The following GALNTL6 variants were observed in gnomAD, a reference collection of about 807,000 sequenced individuals.
GALNTL6 encodes the protein polypeptide N-acetylgalactosaminyltransferase-like 6.
In GALNTL6, 46 loss-of-function variants were observed where a neutral mutation model predicts 73.7. That is an observed-to-expected ratio of 0.62 (90% CI 0.49 to 0.80). The LOEUF is 0.80. GALNTL6 is among the 30% of genes least tolerant of loss of function. The pLI, the probability that GALNTL6 is intolerant of heterozygous loss-of-function variation, is 0.00. For synonymous variants in GALNTL6, 259 were observed against 263.7 expected (o/e 0.98, Z 0.17); for missense variants, 604 against 755.0 (o/e 0.80, Z 2.34).
chr4:172,052,272 CAG>C (rs3081409), intron 2 of GALNTL6, among the ~76,000 whole-genome samples: 120,066 of 152,078 alleles, frequency 0.79, 47,970 homozygotes, highest in Non-Finnish European at 0.85. Context: ...AGCCTCAAGG[CAG>C]AGAGGATACA....
intron 5 of GALNTL6, among the ~76,000 whole-genome samples, chr4:172,562,666 C>T (rs1455835261): frequency 6.6e-6 from 1 of 152,250 alleles, no homozygotes; most frequent in African/African-American, 2.4e-5. Flanking sequence ...GCCTACAAGT[C>T]ATTCCTGCTG....
At chr4:171,883,966 A>G (rs1736538183) in intron 2 of GALNTL6, among the ~76,000 whole-genome samples, 1 of 152,100 alleles carries the variant, frequency 6.6e-6, no homozygotes, top group Non-Finnish European at 1.5e-5. Context: ...CTTTTCTTAG[A>G]AGTCATCAAT....
At chr4:172,444,549 C>A (rs951639657) in intron 5 of GALNTL6, among the ~76,000 whole-genome samples, 1 of 151,928 alleles carries the variant, frequency 6.6e-6, no homozygotes. Context: ...TGCCTCAGAC[C>A]TTGTTATTTC....
chr4:172,609,916 A>G (rs1416181469), intron 5 of GALNTL6, among the ~76,000 whole-genome samples: 2 of 151,600 alleles, frequency 1.3e-5, no homozygotes, highest in Non-Finnish European at 2.9e-5. Context: ...TCCTGGCTCA[A>G]TCTTGGGAGG....
intron 2 of GALNTL6, among the ~76,000 whole-genome samples, chr4:172,002,575 T>C (rs557504455): frequency 6.6e-6 from 1 of 152,294 alleles, no homozygotes; most frequent in Non-Finnish European, 1.5e-5. Context: ...ATTTGAGTTC[T>C]ACTAAGTATT....
chr4:172,329,654 C>CT (rs1741059210), intron 4 of GALNTL6, among the ~76,000 whole-genome samples: 1 of 152,188 alleles, frequency 6.6e-6, no homozygotes, highest in East Asian at 1.9e-4. Context: ...GGCCACTTCT[C>CT]TGTAGAGCTG....
At chr4:172,053,089 A>T (rs1355143856) in intron 2 of GALNTL6, among the ~76,000 whole-genome samples, 1 of 152,154 alleles carries the variant, frequency 6.6e-6, no homozygotes, top group Non-Finnish European at 1.5e-5. Flanking sequence ...ATACAAATAA[A>T]TACAACTAAG....
intron 5 of GALNTL6, among the ~76,000 whole-genome samples, chr4:172,533,152 C>T (rs2110851974): frequency 6.6e-6 from 1 of 151,548 alleles, no homozygotes; most frequent in Admixed American, 6.6e-5. Flanking sequence ...GCAGGGATTA[C>T]AGGCACACAC....
chr4:171,850,058 C>T (rs1041941986), intron 2 of GALNTL6, among the ~76,000 whole-genome samples: 37 of 152,124 alleles, frequency 2.4e-4, no homozygotes, highest in African/African-American at 8.7e-4. Context: ...CTCTGCTTCC[C>T]GGTTTCAAGC....
rs76714922 is a variant in GALNTL6, at chr4:172,995,767, T to C, written c.1372-13411T>C. ...AGTTACTTCTTATAACTGTTTTAAA[T>C]GCCTGCTTTCATGTTTCTGACATGC... On this transcript the variant is annotated intron_variant, in intron 10 of 12. Coordinates refer to ENST00000506823, the MANE Select transcript of GALNTL6 (RefSeq NM_001034845.3). Among the ~76,000 whole-genome samples the C allele has an allele frequency of 3.9e-3, 593 of 152,344 alleles. 3 individuals are homozygous for C. Among genetic ancestry groups the C allele is most frequent in the African/African-American group, 0.014 (566 of 41,588 alleles).
At chr4:171,896,091 A>C (rs1436731833) in intron 2 of GALNTL6, among the ~76,000 whole-genome samples, 1 of 152,174 alleles carries the variant, frequency 6.6e-6, no homozygotes, top group Non-Finnish European at 1.5e-5. Flanking sequence ...TCCATCAGGG[A>C]AAAAGAGGGA....
chr4:172,572,833 G>A (rs796959063), intron 5 of GALNTL6, among the ~76,000 whole-genome samples: 3 of 152,188 alleles, frequency 2.0e-5, no homozygotes, highest in African/African-American at 7.2e-5. Flanking sequence ...TAAAGTCAAG[G>A]TTATGTTGTA....
chr4:172,498,822 C>A (rs1734162446), intron 5 of GALNTL6, among the ~76,000 whole-genome samples: 1 of 152,066 alleles, frequency 6.6e-6, no homozygotes, highest in Non-Finnish European at 1.5e-5. Flanking sequence ...ACAGAATGGG[C>A]AGCTCTTTAT....
intron 8 of GALNTL6, among the ~76,000 whole-genome samples, chr4:172,914,552 A>G (rs1420068907): frequency 1.3e-5 from 2 of 152,234 alleles, no homozygotes; most frequent in Non-Finnish European, 1.5e-5. Context: ...GGATGGAGGA[A>G]GATCTACCAA....
At chr4:172,295,492 C>T (rs540251977) in intron 3 of GALNTL6, among the ~76,000 whole-genome samples, 14 of 148,174 alleles carry the variant, frequency 9.4e-5, no homozygotes, top group East Asian at 5.9e-4. Flanking sequence ...TTATTATCCC[C>T]GCATGGTTGC....
chr4:171,893,868 G>T (rs1736827686), intron 2 of GALNTL6, among the ~76,000 whole-genome samples: 2 of 152,078 alleles, frequency 1.3e-5, no homozygotes, highest in African/African-American at 2.4e-5. Flanking sequence ...GAGTGGGATA[G>T]CCAAGAGAGA....
chr4:172,128,726 C>T (rs1289994062), intron 2 of GALNTL6, among the ~76,000 whole-genome samples: 1 of 152,136 alleles, frequency 6.6e-6, no homozygotes, highest in African/African-American at 2.4e-5. Flanking sequence ...AAAAACAAAA[C>T]ATCCAAGCGG....
Position 171,988,596 on chromosome 4 carries a change from G to T in GALNTL6, c.138+173878G>T, listed in dbSNP as rs561130728. Among the ~76,000 whole-genome samples, 32 of 152,174 alleles carry T rather than the reference G, an allele frequency of 2.1e-4. 1 individual carries two copies. The highest frequency in any genetic ancestry group is 5.9e-4 in the Admixed American group (9 of 15,274). ...TGGGTTTGGCACCACGGGGTGGATA[G>T]GCAAAACAATTCGGTTGATAAGGCA... is the stretch of plus-strand genomic sequence containing the variant. On this transcript the variant is annotated intron_variant, in intron 2 of 12. Coordinates refer to ENST00000506823, the MANE Select transcript of GALNTL6 (RefSeq NM_001034845.3).
intron 5 of GALNTL6, among the ~76,000 whole-genome samples, chr4:172,725,937 T>G (rs1338186156): frequency 6.6e-6 from 1 of 152,212 alleles, no homozygotes; most frequent in Non-Finnish European, 1.5e-5. Context: ...AATTATAAAA[T>G]GTATGAAGCC....
Sources: gnomAD v4.1 joint callset for allele counts (sites outside exome capture counted in the v4.1 genomes callset) on GRCh38, gnomAD v4.1.1 for gene constraint, MANE v1.5 for transcripts, NCBI Gene and HGNC (gene_info 2026-07-23, HGNC 2026-07-21) for gene names.